LY96: variants seen among roughly 807,000 people sequenced by gnomAD.
The protein encoded by LY96 is myeloid differentiation protein-2.
In LY96, 18 loss-of-function variants were observed where a neutral mutation model predicts 18.9. The ratio of observed to expected loss-of-function variants is 0.95; its 90% CI spans 0.66 to 1.41. The LOEUF (loss-of-function observed/expected upper bound fraction) is 1.41. Among genes scored for constraint, LY96 ranks in the 40% most tolerant of loss-of-function variants. LY96 has a pLI of 0.00. For missense variants in LY96, 175 were observed against 182.4 expected, an observed-to-expected ratio of 0.96 and a Z score of 0.23; for synonymous variants, 66 against 62.6, an observed-to-expected ratio of 1.06 and a Z score of -0.26.
the LY96 span, among the ~76,000 whole-genome samples, chr8:74,066,448 C>T: frequency 1.1e-4 from 16 of 151,782 alleles, no homozygotes; most frequent in African/African-American, 2.2e-4. Context: ...GGAGACATGA[C>T]GGATAAAGGT....
chr8:74,097,839 T>C, the LY96 span, among the ~76,000 whole-genome samples: 2 of 152,196 alleles, frequency 1.3e-5, no homozygotes, highest in Non-Finnish European at 2.9e-5. Context: ...CTTGTTATAG[T>C]AGAAATGCAG....
the LY96 span, among the ~76,000 whole-genome samples, chr8:74,088,134 A>AATGGAATGGAATGGAATG: frequency 3.3e-5 from 5 of 150,848 alleles, no homozygotes; most frequent in African/African-American, 1.2e-4. Context: ...AGAATAGAAT[A>AATGGAATGGAATGGAATG]GAATAGAATA....
chr8:73,997,819 G>A (rs544822948), intron 1 of LY96, among the ~76,000 whole-genome samples: 1 of 152,314 alleles, frequency 6.6e-6, no homozygotes, highest in South Asian at 2.1e-4. Context: ...AAAGGATACA[G>A]ACGAATAGCC....
At position 74,022,618 on chromosome 8, in the gene LY96, G is replaced by A. The variant is rs1172357730; in HGVS notation, c.332-4171G>A. Among the ~76,000 whole-genome samples, 23 of 137,774 alleles carry A rather than the reference G, an allele frequency of 1.7e-4. 1 individual carries two copies. In the Admixed American group the frequency reaches 1.7e-3, roughly 10 times the overall value. The allele number at this position is 137,774 out of a possible 152,430, so 90.4% of individuals were successfully genotyped here. On this transcript the variant is annotated intron_variant, in intron 3 of 4. Coordinates refer to ENST00000284818, the MANE Select transcript of LY96 (RefSeq NM_015364.5). Reference sequence around the variant, plus strand: ...TTTTGTGACAGGGTCTCGCCCTGTCGCCCAGGCTGGAGTGCAATGGCGCAG... The same window carrying A: ...TTTTGTGACAGGGTCTCGCCCTGTCACCCAGGCTGGAGTGCAATGGCGCAG...
At chr8:74,048,491 A>AC in the LY96 span, among the ~76,000 whole-genome samples, 1 of 152,044 alleles carries the variant, frequency 6.6e-6, no homozygotes, top group Non-Finnish European at 1.5e-5. Context: ...GATGTTGGGA[A>AC]CCCAGGGCCC....
intron 3 of LY96, 102 bp from the exon 4 acceptor site, chr8:74,026,687 G>C (rs1816878449): frequency 2.8e-6 from 2 of 706,504 alleles, no homozygotes; most frequent in Admixed American, 2.1e-5. Context: ...GTTTTGCTTG[G>C]GACTGCGTCT....
the LY96 span, chr8:74,056,022 C>T: frequency 6.4e-6 from 1 of 155,128 alleles, no homozygotes; most frequent in East Asian, 1.9e-4. Flanking sequence ...ATTGGTAGAA[C>T]ACTAGTCCCA....
At position 74,000,209 on chromosome 8, in the gene LY96, A is replaced by G. The variant is rs189547273; in HGVS notation, c.113-4587A>G. The stretch of plus-strand genomic sequence containing the variant: ...ACTAATTTCGTTATCGAATTTTACT[A>G]TAAGTGGCCAAAAGAAGCCATGCAG... On this transcript the variant is annotated intron_variant, in intron 1 of 4. Transcript: ENST00000284818. Among the ~76,000 whole-genome samples the G allele has an allele frequency of 4.6e-5, 7 of 152,264 alleles. No individual in the cohort carries two copies. In the East Asian group the frequency reaches 9.6e-4, roughly 21 times the overall value.
At chr8:74,073,691 T>C in the LY96 span, among the ~76,000 whole-genome samples, 1 of 151,568 alleles carries the variant, frequency 6.6e-6, no homozygotes, top group East Asian at 1.9e-4. Flanking sequence ...TGAGACGGAG[T>C]CTTGCTCTGT....
chr8:74,043,107 C>T, the LY96 span, among the ~76,000 whole-genome samples: 2 of 152,186 alleles, frequency 1.3e-5, no homozygotes, highest in Non-Finnish European at 2.9e-5. Flanking sequence ...AAAAGGCCCA[C>T]AGGAGGGTTG....
chr8:74,086,242 A>G, the LY96 span, among the ~76,000 whole-genome samples: 1 of 152,038 alleles, frequency 6.6e-6, no homozygotes, highest in African/African-American at 2.4e-5. Context: ...TCCTTACCCA[A>G]TCCTTGACTT....
chr8:74,075,560 T>A, the LY96 span, among the ~76,000 whole-genome samples: 1 of 152,232 alleles, frequency 6.6e-6, no homozygotes, highest in Non-Finnish European at 1.5e-5. Flanking sequence ...CATGAACCAC[T>A]GTGCCTGGCT....
At chr8:73,996,372 C>CATTTATTTCTTT (rs756373007) in intron 1 of LY96, among the ~76,000 whole-genome samples, 3 of 111,006 alleles carry the variant, frequency 2.7e-5, no homozygotes, top group Non-Finnish European at 5.6e-5. Context: ...TTCCTTCATT[C>CATTTATTTCTTT]CTTTCTTTCT....
the LY96 span, among the ~76,000 whole-genome samples, chr8:74,073,317 A>G: frequency 6.6e-6 from 1 of 152,212 alleles, no homozygotes; most frequent in African/African-American, 2.4e-5. Context: ...GTAGATCAAC[A>G]GATGTATGTG....
downstream of LY96, among the ~76,000 whole-genome samples, chr8:74,033,694 A>G (rs983775727): frequency 2.0e-5 from 3 of 152,238 alleles, no homozygotes; most frequent in Non-Finnish European, 4.4e-5. Flanking sequence ...TGCTGTGGTT[A>G]AAGAGGAGTC....
At chr8:74,055,192 G>A in the LY96 span, among the ~76,000 whole-genome samples, 1 of 152,160 alleles carries the variant, frequency 6.6e-6, no homozygotes, top group Non-Finnish European at 1.5e-5. Flanking sequence ...ACAAGTGTGA[G>A]CCACCATACT....
intron 1 of LY96, among the ~76,000 whole-genome samples, chr8:74,003,302 A>G (rs1193405330): frequency 6.6e-6 from 1 of 152,218 alleles, no homozygotes; most frequent in Non-Finnish European, 1.5e-5. Context: ...CTGAACAAGG[A>G]CAGCACTTGA....
the LY96 span, among the ~76,000 whole-genome samples, chr8:74,049,887 G>A: frequency 2.0e-5 from 3 of 152,190 alleles, no homozygotes. Flanking sequence ...GCATCGTGGT[G>A]TGCATCTGTA....
intron 4 of LY96, 111 bp from the exon 5 acceptor site, chr8:74,028,845 A>G: frequency 1.6e-6 from 1 of 635,418 alleles, no homozygotes; most frequent in African/African-American, 1.8e-5. Context: ...AAACTATAAA[A>G]TCAATCCAAT....
Sources: allele counts gnomAD v4.1 joint callset (sites outside exome capture counted in the v4.1 genomes callset), GRCh38; gene constraint gnomAD v4.1.1; transcripts MANE v1.5; gene names NCBI Gene and HGNC (gene_info 2026-07-23, HGNC 2026-07-21).